Variants in HYDIN observed in about 807,000 individuals in gnomAD.
HYDIN encodes axonemal central pair apparatus protein HYDIN.
A neutral mutation model predicts 403.9 loss-of-function variants in HYDIN; 132 were observed. That is an observed-to-expected ratio of 0.33 (90% CI 0.28 to 0.38). HYDIN has a LOEUF of 0.38. Ranked by LOEUF, HYDIN falls within the 10% of genes least tolerant of loss-of-function variation. HYDIN has a pLI of 1.00. For missense variants in HYDIN, 2,827 were observed against 5,009.5 expected, an observed-to-expected ratio of 0.56 and a Z score of 13.15; for synonymous variants, 1,202 against 1,891.7, an observed-to-expected ratio of 0.64 and a Z score of 9.46.
chr16:70,896,965 CA>C (rs916049344), intron 53 of HYDIN, among the ~76,000 whole-genome samples: 1 of 140,134 alleles, frequency 7.1e-6, no homozygotes, highest in Non-Finnish European at 1.5e-5. Flanking sequence ...CTGCAGCTGT[CA>C]GCCTGACCTG....
intron 18 of HYDIN, 128 bp downstream of exon 18, chr16:71,060,376 A>G: frequency 1.5e-6 from 1 of 665,268 alleles, no homozygotes; most frequent in East Asian, 2.6e-5. Flanking sequence ...GATGGGAATG[A>G]CGTGGTTTAA....
At chr16:71,102,879 T>A (rs7500856) in intron 10 of HYDIN, among the ~76,000 whole-genome samples, 57,397 of 131,652 alleles carry the variant, frequency 0.44, 15,321 homozygotes, top group African/African-American at 0.72. Flanking sequence ...TGTTTACAGC[T>A]GTGCAGAAAG....
At chr16:71,011,081 T>C (rs1483747741) in intron 23 of HYDIN, among the ~76,000 whole-genome samples, 3 of 152,258 alleles carry the variant, frequency 2.0e-5, no homozygotes, top group East Asian at 1.9e-4. Flanking sequence ...AGAGCTCCTG[T>C]AGGAGGACCC....
At chr16:71,026,710 C>T (rs561264820) in intron 20 of HYDIN, among the ~76,000 whole-genome samples, 10 of 152,332 alleles carry the variant, frequency 6.6e-5, no homozygotes, top group South Asian at 2.1e-4. Flanking sequence ...ACTGAGGATG[C>T]GTTTTACCTG....
intron 41 of HYDIN, among the ~76,000 whole-genome samples, chr16:70,947,699 A>G (rs1435840224): frequency 6.6e-6 from 1 of 152,176 alleles, no homozygotes; most frequent in Non-Finnish European, 1.5e-5. Flanking sequence ...GTGAACTCCC[A>G]TTCACAATTG....
chr16:70,875,646 A>G (rs1332165526), intron 62 of HYDIN, among the ~76,000 whole-genome samples: 1 of 152,236 alleles, frequency 6.6e-6, no homozygotes, highest in Non-Finnish European at 1.5e-5. Context: ...CAACTTTAAT[A>G]AGAAACTATA....
At chr16:71,214,271 G>C (rs187006854) in intron 1 of HYDIN, among the ~76,000 whole-genome samples, 1 of 151,994 alleles carries the variant, frequency 6.6e-6, no homozygotes, top group East Asian at 1.9e-4. Context: ...ACACTCATTG[G>C]TTAGAAAATT....
chr16:71,028,512 A>AC (rs1014263099), intron 19 of HYDIN, among the ~76,000 whole-genome samples: 23 of 151,068 alleles, frequency 1.5e-4, no homozygotes, highest in African/African-American at 2.7e-4. Context: ...TAAAAAAAAA[A>AC]CTGGGATTTC....
intron 41 of HYDIN, among the ~76,000 whole-genome samples, chr16:70,946,055 C>CT (rs1768266996): frequency 6.8e-6 from 1 of 147,924 alleles, no homozygotes; most frequent in African/African-American, 2.5e-5. Flanking sequence ...TAGATGCTGA[C>CT]AGAAGTAGAG....
chr16:70,809,538 C>G (rs568655857), intron 85 of HYDIN, among the ~76,000 whole-genome samples: 1 of 152,296 alleles, frequency 6.6e-6, no homozygotes, highest in Non-Finnish European at 1.5e-5. Flanking sequence ...ACAAAACTCC[C>G]CTACACTCCA....
At chr16:71,175,288 C>G in intron 5 of HYDIN, among the ~76,000 whole-genome samples, 1 of 152,030 alleles carries the variant, frequency 6.6e-6, no homozygotes, top group Non-Finnish European at 1.5e-5. Flanking sequence ...CCACTACCCA[C>G]CAACACTACT....
intron 83 of HYDIN, among the ~76,000 whole-genome samples, chr16:70,820,839 G>C (rs1186402594): frequency 6.6e-6 from 1 of 151,934 alleles, no homozygotes; most frequent in African/African-American, 2.4e-5. Flanking sequence ...AGTAGAGACG[G>C]GGTTTCACCA....
intron 10 of HYDIN, among the ~76,000 whole-genome samples, chr16:71,102,519 T>C (rs2083488604): frequency 6.6e-6 from 1 of 151,472 alleles, no homozygotes; most frequent in East Asian, 1.9e-4. Context: ...CTAAATTCAT[T>C]ATCTAAATGA....
chr16:70,826,527 T>C (rs1436753915), intron 83 of HYDIN, among the ~76,000 whole-genome samples: 1 of 152,080 alleles, frequency 6.6e-6, no homozygotes, highest in East Asian at 1.9e-4. Context: ...TACTCATTTA[T>C]TGAGTAGGTG....
At chr16:71,020,135 C>T (rs780575344) in intron 22 of HYDIN, 39 bp downstream of exon 22, 2 of 1,608,136 alleles carry the variant, frequency 1.2e-6, no homozygotes, top group Non-Finnish European at 8.5e-7. Flanking sequence ...CCCCGCCCCA[C>T]CCCAGACAGC....
At chr16:70,942,546 G>GT (rs2077714057) in intron 42 of HYDIN, among the ~76,000 whole-genome samples, 1 of 152,210 alleles carries the variant, frequency 6.6e-6, no homozygotes, top group African/African-American at 2.4e-5. Context: ...AATGATTTTG[G>GT]TAACAGTAAC....
chr16:71,014,578 CAGTT>C (rs1374893702), intron 23 of HYDIN, among the ~76,000 whole-genome samples: 1 of 149,916 alleles, frequency 6.7e-6, no homozygotes, highest in East Asian at 2.0e-4. Flanking sequence ...AAATGTGACT[CAGTT>C]AGTTTGATCG....
intron 45 of HYDIN, among the ~76,000 whole-genome samples, chr16:70,930,752 C>G (rs527540062): frequency 8.2e-4 from 125 of 152,184 alleles, no homozygotes; most frequent in African/African-American, 2.9e-3. Context: ...ACTGCAGATG[C>G]AAAAGACCAA....
At chr16:71,107,204 C>T (rs1337307264) in intron 10 of HYDIN, among the ~76,000 whole-genome samples, 6 of 151,510 alleles carry the variant, frequency 4.0e-5, no homozygotes, top group East Asian at 3.9e-4. Context: ...TGTTAAATGA[C>T]GAGTTAATGG....
Sources: allele counts gnomAD v4.1 joint callset (sites outside exome capture counted in the v4.1 genomes callset), GRCh38; gene constraint gnomAD v4.1.1; transcripts MANE v1.5; gene names NCBI Gene and HGNC (gene_info 2026-07-23, HGNC 2026-07-21).